The following ATF1 variants were observed in gnomAD, a reference collection of about 807,000 sequenced individuals.
The protein encoded by ATF1 is cyclic AMP-dependent transcription factor ATF-1.
In ATF1, 16 loss-of-function variants were observed where a neutral mutation model predicts 34.7. That is an observed-to-expected ratio of 0.46 (90% CI 0.31 to 0.70). ATF1 has a LOEUF of 0.70. Ranked by LOEUF, ATF1 falls within the 30% of genes least tolerant of loss-of-function variation. The pLI is 0.05. For missense variants in ATF1, 255 were observed against 321.6 expected (o/e 0.79, Z 1.58); for synonymous variants, 105 against 113.1 (o/e 0.93, Z 0.46).
chr12:50,775,620 G>A (rs1290652575), intron 1 of ATF1: 1 of 152,244 alleles, frequency 6.6e-6, no homozygotes. Context: ...TGGAGAAGTA[G>A]GAATTCTTAA....
At chr12:50,780,003 C>G in intron 1 of ATF1, 137 bp from the exon 2 acceptor site, 1 of 512,140 alleles carries the variant, frequency 2.0e-6, no homozygotes, top group Non-Finnish European at 3.3e-6. Flanking sequence ...TGCACAGTCC[C>G]CTTTCTATCT....
chr12:50,808,983 T>C (rs1014762578), intron 3 of ATF1, among the ~76,000 whole-genome samples: 4 of 151,878 alleles, frequency 2.6e-5, no homozygotes, highest in African/African-American at 7.2e-5. Context: ...TGTGATCCGC[T>C]GGTCTCGGCC....
At chr12:50,800,940 A>T (rs1215251973) in intron 3 of ATF1, among the ~76,000 whole-genome samples, 2 of 152,178 alleles carry the variant, frequency 1.3e-5, no homozygotes, top group African/African-American at 4.8e-5. Flanking sequence ...TCTCTATTAC[A>T]AAGATAAAAA....
At chr12:50,789,725 AGC>A (rs1941261846) in intron 2 of ATF1, among the ~76,000 whole-genome samples, 1 of 152,090 alleles carries the variant, frequency 6.6e-6, no homozygotes, top group Admixed American at 6.6e-5. Flanking sequence ...ACTGCACTCC[AGC>A]CTGGTTGACA....
intron 3 of ATF1, among the ~76,000 whole-genome samples, chr12:50,804,444 A>G (rs1297555208): frequency 6.6e-6 from 1 of 152,176 alleles, no homozygotes; most frequent in Non-Finnish European, 1.5e-5. Flanking sequence ...CAGCCCTTCC[A>G]GAGGCCAAGG....
intron 3 of ATF1, among the ~76,000 whole-genome samples, chr12:50,797,501 G>T (rs932650982): frequency 6.6e-6 from 1 of 152,000 alleles, no homozygotes; most frequent in Non-Finnish European, 1.5e-5. Context: ...TTTTTGAGAC[G>T]GAGGTCTCAC....
intron 2 of ATF1, among the ~76,000 whole-genome samples, chr12:50,780,845 A>G (rs1341341616): frequency 1.3e-5 from 2 of 151,978 alleles, no homozygotes; most frequent in African/African-American, 2.4e-5. Flanking sequence ...CTGTAATCCC[A>G]GCTGCTCGGG....
At chr12:50,774,692 TTA>T (rs58844597) in intron 1 of ATF1, among the ~76,000 whole-genome samples, 3,893 of 152,206 alleles carry the variant, frequency 0.026, 166 homozygotes, top group African/African-American at 0.089. Context: ...GTACTGTTGT[TTA>T]TGAGATGAAA....
chr12:50,794,838 G>A (rs1343944433), intron 2 of ATF1, among the ~76,000 whole-genome samples: 2 of 152,032 alleles, frequency 1.3e-5, no homozygotes, highest in East Asian at 3.9e-4. Context: ...AAGATTGCTT[G>A]AGCCCAGGAA....
intron 2 of ATF1, among the ~76,000 whole-genome samples, chr12:50,790,848 C>T (rs1332396001): frequency 1.3e-5 from 2 of 151,732 alleles, no homozygotes; most frequent in Non-Finnish European, 2.9e-5. Flanking sequence ...ATTTACAGGC[C>T]CAAAGAAAGA....
At chr12:50,786,921 G>A (rs981610953) in intron 2 of ATF1, among the ~76,000 whole-genome samples, 2 of 152,142 alleles carry the variant, frequency 1.3e-5, no homozygotes, top group Admixed American at 6.5e-5. Flanking sequence ...GAAGCCTAAG[G>A]CTGAGTGTGT....
At chr12:50,767,960 C>T (rs1267897501) in intron 1 of ATF1, among the ~76,000 whole-genome samples, 1 of 151,760 alleles carries the variant, frequency 6.6e-6, no homozygotes, top group African/African-American at 2.4e-5. Context: ...GCAACCTCCG[C>T]CTCCCGAGTT....
intron 2 of ATF1, among the ~76,000 whole-genome samples, chr12:50,782,286 C>A (rs975799759): frequency 9.9e-5 from 15 of 152,006 alleles, no homozygotes; most frequent in Middle Eastern, 3.4e-3. Flanking sequence ...GACAGTGTCT[C>A]GCTCTGTCGC....
At chr12:50,813,117 C>T (rs903790192) in intron 4 of ATF1, among the ~76,000 whole-genome samples, 1 of 152,096 alleles carries the variant, frequency 6.6e-6, no homozygotes, top group African/African-American at 2.4e-5. Context: ...TTGATCATGC[C>T]TTATGGGCAT....
In ATF1 at chr12:50,811,072, T is replaced by TCAGA. The variant is rs1178356625; in HGVS notation, c.328+1486_328+1489dup. Among the ~76,000 whole-genome samples, 8 of 152,282 alleles carry TCAGA rather than the reference T, an allele frequency of 5.3e-5. No homozygotes were observed. In the East Asian group the frequency reaches 1.4e-3, roughly 26 times the overall value. ...CCACCCCAGACTTCCTTACTGTACC[T>TCAGA]CAGACACACGAGCTTGTTTCTGCCT... On this transcript the variant is annotated intron_variant, in intron 4 of 6. Transcript: ENST00000262053.
chr12:50,800,306 T>C (rs1941487680), intron 3 of ATF1, among the ~76,000 whole-genome samples: 2 of 152,204 alleles, frequency 1.3e-5, no homozygotes, highest in African/African-American at 4.8e-5. Context: ...ATAAATATTC[T>C]CATCAAGGGA....
chr12:50,817,058 C>T (rs1592206287), intron 6 of ATF1, among the ~76,000 whole-genome samples: 1 of 152,164 alleles, frequency 6.6e-6, no homozygotes, highest in East Asian at 1.9e-4. Flanking sequence ...TTCATAGATA[C>T]TACTATAGGA....
rs1199911719 is a variant in ATF1 at position 50,797,934 on chromosome 12, T to A, written c.194+1925T>A. On this transcript the variant is annotated intron_variant, in intron 3 of 6. Transcript: ENST00000262053. ...GGCTCACGCCTGTAATCCCAGCACT[T>A]TGGGAGGCCGAGGCGGGTGGATCAC... 1.3e-5 allele frequency among the ~76,000 whole-genome samples: 2 copies of A among 152,022 alleles called. 1 individual carries two copies.
chr12:50,765,561 G>A (rs182673695), intron 1 of ATF1, among the ~76,000 whole-genome samples: 14 of 152,258 alleles, frequency 9.2e-5, no homozygotes, highest in East Asian at 5.8e-4. Context: ...TGTCAGAGGC[G>A]TGTGAACTAG....
Sources: allele counts gnomAD v4.1 joint callset (sites outside exome capture counted in the v4.1 genomes callset), GRCh38; gene constraint gnomAD v4.1.1; transcripts MANE v1.5; gene names NCBI Gene and HGNC (gene_info 2026-07-23, HGNC 2026-07-21).